Variants in EBF1 observed in about 807,000 individuals in gnomAD.
EBF1 encodes transcription factor COE1.
In EBF1, 10 loss-of-function variants were observed where a neutral mutation model predicts 68.4. The observed-to-expected ratio is 0.15, with a 90% CI of 0.09 to 0.25. The LOEUF is 0.25. Among genes scored for constraint, EBF1 ranks in the 10% least tolerant of loss-of-function variants. EBF1 has a pLI of 1.00. For missense variants in EBF1, 509 were observed against 794.4 expected, an observed-to-expected ratio of 0.64 and a Z score of 4.32; for synonymous variants, 298 against 299.8, an observed-to-expected ratio of 0.99 and a Z score of 0.06.
chr5:158,852,171 A>G (rs1484130219), intron 6 of EBF1, among the ~76,000 whole-genome samples: 1 of 65,276 alleles, frequency 1.5e-5, no homozygotes, highest in Non-Finnish European at 4.0e-5. Context: ...TTTTCAACCA[A>G]AAAAAAAAGT....
At chr5:159,096,295 C>G in intron 3 of EBF1, 48 bp downstream of exon 3, 1 of 1,591,278 alleles carries the variant, frequency 6.3e-7, no homozygotes, top group Non-Finnish European at 8.6e-7. Context: ...GCCCCCTGCC[C>G]AGACCCGGAG....
At chr5:158,943,029 G>C (rs1359268196) in intron 6 of EBF1, among the ~76,000 whole-genome samples, 1 of 114,898 alleles carries the variant, frequency 8.7e-6, no homozygotes, top group Non-Finnish European at 1.7e-5. Flanking sequence ...GAGGGAGGGG[G>C]GAAGGAATGA....
intron 6 of EBF1, among the ~76,000 whole-genome samples, chr5:158,970,681 A>T (rs895670333): frequency 1.3e-5 from 2 of 152,234 alleles, no homozygotes; most frequent in African/African-American, 4.8e-5. Context: ...AAAGCAGTTA[A>T]GACTAATTTC....
At chr5:158,762,305 G>A (rs1771642308) in intron 10 of EBF1, among the ~76,000 whole-genome samples, 1 of 152,120 alleles carries the variant, frequency 6.6e-6, no homozygotes, top group Non-Finnish European at 1.5e-5. Context: ...TTTTAAATGA[G>A]CTACCCTTAA....
intron 6 of EBF1, among the ~76,000 whole-genome samples, chr5:158,878,725 C>T (rs1283015141): frequency 6.7e-6 from 1 of 150,300 alleles, no homozygotes; most frequent in Non-Finnish European, 1.5e-5. Flanking sequence ...CTCACTGCAA[C>T]CTCCGCCTCC....
chr5:159,039,621 CT>C (rs893573793), intron 6 of EBF1, among the ~76,000 whole-genome samples: 40 of 152,264 alleles, frequency 2.6e-4, no homozygotes, highest in African/African-American at 9.1e-4. Flanking sequence ...TATTAAATAA[CT>C]TTTTTATTTG....
intron 6 of EBF1, among the ~76,000 whole-genome samples, chr5:158,912,943 C>A (rs1806338588): frequency 2.0e-5 from 3 of 152,230 alleles, no homozygotes; most frequent in Admixed American, 2.0e-4. Flanking sequence ...CCAGAGGATG[C>A]CTGCCTATCC....
At chr5:159,061,962 T>A (rs986964773) in intron 6 of EBF1, among the ~76,000 whole-genome samples, 4 of 152,238 alleles carry the variant, frequency 2.6e-5, no homozygotes, top group African/African-American at 7.2e-5. Context: ...TAAGAATCCA[T>A]GTTCAAATAG....
At chr5:159,076,437 C>T (rs1483931871) in intron 5 of EBF1, among the ~76,000 whole-genome samples, 3 of 152,140 alleles carry the variant, frequency 2.0e-5, no homozygotes, top group Non-Finnish European at 4.4e-5. Flanking sequence ...TTCACTTAAG[C>T]ACGGTCGTCA....
chr5:158,753,212 G>A (rs1769313970), intron 10 of EBF1, among the ~76,000 whole-genome samples: 2 of 151,974 alleles, frequency 1.3e-5, no homozygotes, highest in African/African-American at 2.4e-5. Flanking sequence ...TAGAAGGAAA[G>A]GATACCGGAG....
At chr5:158,732,190 T>C (rs1379632313) in intron 10 of EBF1, among the ~76,000 whole-genome samples, 1 of 152,146 alleles carries the variant, frequency 6.6e-6, no homozygotes, top group African/African-American at 2.4e-5. Flanking sequence ...ACATGCTGAA[T>C]AAAAAAGACA....
chr5:158,920,171 A>ATG (rs960744827), intron 6 of EBF1, among the ~76,000 whole-genome samples: 18 of 151,150 alleles, frequency 1.2e-4, no homozygotes, highest in African/African-American at 4.4e-4. Context: ...GTGTGTGTGT[A>ATG]TGTGTGTGTG....
At chr5:158,815,193 C>A (rs1033227463) in intron 8 of EBF1, among the ~76,000 whole-genome samples, 1 of 152,176 alleles carries the variant, frequency 6.6e-6, no homozygotes, top group African/African-American at 2.4e-5. Context: ...TTGACCCTCT[C>A]TTTAGCCTTG....
rs960744827 is a variant in EBF1 at position 158,920,171 on chromosome 5, ATGTG to A, written c.555-80065_555-80062del. On this transcript the variant is annotated intron_variant, in intron 6 of 15. Transcript: ENST00000313708. The stretch of plus-strand genomic sequence containing the variant: ...TATACATATGTGTGTGTGTGTGTGT[ATGTG>A]TGTGTGTATACACACATATGCTTAA... Among the ~76,000 whole-genome samples, 585 of 151,264 alleles carry A rather than the reference ATGTG, an allele frequency of 3.9e-3. 2 individuals are homozygous for A. The highest frequency in any genetic ancestry group is 0.013 in the African/African-American group (526 of 41,268).
chr5:158,949,564 C>T (rs777759006), intron 6 of EBF1, among the ~76,000 whole-genome samples: 3 of 152,122 alleles, frequency 2.0e-5, no homozygotes, highest in Non-Finnish European at 2.9e-5. Context: ...TATGTTCAGG[C>T]TTTTTCCAAA....
chr5:158,848,842 G>A (rs2127991300), intron 6 of EBF1, among the ~76,000 whole-genome samples: 1 of 152,332 alleles, frequency 6.6e-6, no homozygotes, highest in Middle Eastern at 3.4e-3. Context: ...CCCTGTGGAG[G>A]TGACAGATGT....
At chr5:158,921,818 T>C (rs549514792) in intron 6 of EBF1, among the ~76,000 whole-genome samples, 32 of 152,228 alleles carry the variant, frequency 2.1e-4, no homozygotes, top group Non-Finnish European at 3.2e-4. Context: ...CTCTCCCTTA[T>C]GACATGGCCA....
At chr5:158,856,484 A>C (rs1794031351) in intron 6 of EBF1, among the ~76,000 whole-genome samples, 1 of 152,242 alleles carries the variant, frequency 6.6e-6, no homozygotes, top group Non-Finnish European at 1.5e-5. Flanking sequence ...TTCTTAGCCA[A>C]GATGACTCAG....
intron 6 of EBF1, among the ~76,000 whole-genome samples, chr5:159,044,600 T>C (rs955388538): frequency 6.6e-6 from 1 of 152,208 alleles, no homozygotes; most frequent in African/African-American, 2.4e-5. Context: ...GTGGAGTATG[T>C]ACATTGCCAC....
Sources: gnomAD v4.1 joint callset for allele counts (sites outside exome capture counted in the v4.1 genomes callset) on GRCh38, gnomAD v4.1.1 for gene constraint, MANE v1.5 for transcripts, NCBI Gene and HGNC (gene_info 2026-07-23, HGNC 2026-07-21) for gene names.